SFSWAP: variants seen among roughly 807,000 people sequenced by gnomAD.
SFSWAP encodes the protein splicing factor, suppressor of white-apricot homolog.
Under a neutral mutation model 100.7 loss-of-function variants are expected in SFSWAP, and 17 were observed. That is an observed-to-expected ratio of 0.17 (90% CI 0.12 to 0.25). SFSWAP has a LOEUF of 0.25. Among genes scored for constraint, SFSWAP ranks in the 10% least tolerant of loss-of-function variants. The probability of loss-of-function intolerance (pLI) is 1.00; values close to 1 mark genes in which losing one functional copy is unlikely to be tolerated. For missense variants in SFSWAP, 1,005 were observed against 1,262.6 expected (o/e 0.80, Z 3.09); for synonymous variants, 504 against 510.1 (o/e 0.99, Z 0.16).
At position 131,799,049 on chromosome 12, in the gene SFSWAP, G is replaced by A. The variant is rs1885880214; in HGVS notation, c.2730G>A (p.Gln910=). The change falls in exon 17 of 18, where the codon CAG becomes CAA. Residue 910 remains glutamine, a synonymous_variant. Coordinates refer to ENST00000261674, the MANE Select transcript of SFSWAP (RefSeq NM_004592.4). The part of the protein sequence containing the change: ...SSQERSRGVS[Q]EKEAQISSAI... Reference sequence around the variant, plus strand: ...CTCTCTGCATTAGGGGAGTCTCTCAGGAAAAAGAAGCCCAGATCTCTTCAG... The same window carrying A: ...CTCTCTGCATTAGGGGAGTCTCTCAAGAAAAAGAAGCCCAGATCTCTTCAG... The A allele has an allele frequency of 6.2e-7, 1 of 1,613,856 alleles. No individual in the cohort carries two copies. Among genetic ancestry groups the A allele is most frequent in the Non-Finnish European group, 8.5e-7 (1 of 1,179,712 alleles).
chr12:131,727,624 G>A (rs1879107077), intron 6 of SFSWAP, among the ~76,000 whole-genome samples: 1 of 152,166 alleles, frequency 6.6e-6, no homozygotes, highest in Admixed American at 6.5e-5. Flanking sequence ...CAGCCTGGGA[G>A]ACAGAGTGAG....
intron 7 of SFSWAP, among the ~76,000 whole-genome samples, chr12:131,731,901 CTTTT>C (rs755819493): frequency 1.6e-4 from 9 of 55,296 alleles, no homozygotes; most frequent in African/African-American, 2.2e-4. Context: ...TACTATTTTA[CTTTT>C]TTTTTTTTTT....
intron 7 of SFSWAP, among the ~76,000 whole-genome samples, chr12:131,746,737 C>G (rs572473073): frequency 3.9e-5 from 6 of 152,150 alleles, no homozygotes; most frequent in Non-Finnish European, 5.9e-5. Flanking sequence ...CCTAGAATTG[C>G]GGGGTGGGTA....
chr12:131,731,459 C>A (rs1229931138), intron 7 of SFSWAP, among the ~76,000 whole-genome samples: 1 of 152,170 alleles, frequency 6.6e-6, no homozygotes. Flanking sequence ...GAAGTTGTTG[C>A]AGAATTTGGG....
rs1289624837 is a variant in SFSWAP, at chr12:131,711,468, G to A, written c.218+21G>A. On this transcript the variant is annotated intron_variant, in intron 1 of 17. Transcript: ENST00000261674. The surrounding 1 kb of genome is among the most constrained non-coding windows in gnomAD (Gnocchi z 4.9). ...GACAGGTCGGTTCCTCTCCCCACCC[G>A]TCGATCCTTCCCTTCCCTCACCCGC... 3 of 1,582,582 alleles carry A rather than the reference G, an allele frequency of 1.9e-6. No homozygotes were observed. The highest frequency in any genetic ancestry group is 2.2e-5 in the East Asian group (1 of 44,678).
At chr12:131,755,077 G>C (rs768465982) in intron 9 of SFSWAP, among the ~76,000 whole-genome samples, 2 of 152,052 alleles carry the variant, frequency 1.3e-5, no homozygotes, top group Non-Finnish European at 2.9e-5. Context: ...TATAATTCAT[G>C]GTTTTCAAGA....
intron 6 of SFSWAP, among the ~76,000 whole-genome samples, chr12:131,727,842 G>A (rs1425898331): frequency 6.6e-6 from 1 of 152,104 alleles, no homozygotes; most frequent in Non-Finnish European, 1.5e-5. Flanking sequence ...TGCCATTCGC[G>A]ACATAAAAAA....
intron 7 of SFSWAP, among the ~76,000 whole-genome samples, chr12:131,749,047 T>A (rs1199026390): frequency 1.5e-4 from 23 of 152,236 alleles, no homozygotes; most frequent in Non-Finnish European, 1.5e-5. Flanking sequence ...TTGCATTCAG[T>A]AGAACATCAG....
intron 8 of SFSWAP, 70 bp from the exon 9 acceptor site, chr12:131,754,298 C>A (rs1044764211): frequency 9.7e-5 from 127 of 1,307,214 alleles, no homozygotes; most frequent in Non-Finnish European, 3.2e-5. Context: ...CGGTGAGGAC[C>A]CCCGAGCAGC....
chr12:131,771,590 G>C (rs1284223090), intron 13 of SFSWAP, among the ~76,000 whole-genome samples: 2 of 151,472 alleles, frequency 1.3e-5, no homozygotes, highest in Admixed American at 6.6e-5. Flanking sequence ...TGGGAAAGCA[G>C]CATCTGCTTT....
rs545786222 is a variant in SFSWAP at position 131,733,010 on chromosome 12, A to G, written c.1081+4582A>G. On this transcript the variant is annotated intron_variant, in intron 7 of 17. Coordinates refer to ENST00000261674, the MANE Select transcript of SFSWAP (RefSeq NM_004592.4). The surrounding 1 kb of genome is among the most constrained non-coding windows in gnomAD (Gnocchi z 5.1). ...GCAGCCAGTTACTTTTCCTGAGGAC[A>G]GAGGAGTTGCATGTGAGGGAGGAGG... 6.6e-6 allele frequency among the ~76,000 whole-genome samples: 1 copy of G among 152,336 alleles called. No homozygotes were observed. The highest frequency in any genetic ancestry group is 1.5e-5 in the Non-Finnish European group (1 of 68,042).
chr12:131,764,803 A>C lies in SFSWAP; in HGVS notation c.1951+117A>C. ...TAGAATCTGAAGCCTTTGGAAATCG[A>C]CCTATTTGGGAGTTGTGTAACATGT... On this transcript the variant is annotated intron_variant, in intron 12 of 17. Transcript: ENST00000261674. 7 of 716,050 alleles carry C rather than the reference A, an allele frequency of 9.8e-6. No individual in the cohort carries two copies. In the South Asian group the frequency reaches 1.3e-4, roughly 14 times the overall value. The allele number at this position is 716,050 out of a possible 1,614,324, so 44.4% of individuals were successfully genotyped here.
Position 131,754,381 on chromosome 12 carries a change from G to T in SFSWAP, c.1336G>T (p.Val446Leu). 6.4e-7 allele frequency: 1 copy of T among 1,570,696 alleles called. No individual in the cohort carries two copies. ...TTTTTSALAPVAAIIPPPPDV... is the reference protein window; with the variant it reads ...TTTTTSALAPLAAIIPPPPDV... ...CTTCTCCTGCAGTGCACTTGCCCCC[G>T]TGGCCGCCATCATCCCCCCGCCCCC... Residue 446 changes from valine (V) to leucine (L), a missense_variant, in exon 9 of 18, where the codon GTG (valine) becomes TTG (leucine). By Grantham distance (32) the Val-to-Leu change is conservative (BLOSUM62 1). Around this residue, in one of 7 missense-constraint regions of SFSWAP, gnomAD observed 311 missense variants for 317.8 expected, o/e 0.98. Coordinates refer to ENST00000261674, the MANE Select transcript of SFSWAP (RefSeq NM_004592.4).
intron 15 of SFSWAP, 52 bp from the exon 16 acceptor site, chr12:131,797,126 G>C: frequency 6.5e-7 from 1 of 1,537,892 alleles, no homozygotes; most frequent in Non-Finnish European, 8.8e-7. Context: ...CTCCCTTTGT[G>C]CCCTGCCTTT....
intron 13 of SFSWAP, among the ~76,000 whole-genome samples, chr12:131,768,135 T>C (rs1883273803): frequency 6.6e-6 from 1 of 152,260 alleles, no homozygotes; most frequent in African/African-American, 2.4e-5. Context: ...CCCTGAATAC[T>C]GCAGCTGCAT....
At chr12:131,720,434 G>A (rs1456905163) in intron 4 of SFSWAP, among the ~76,000 whole-genome samples, 1 of 152,196 alleles carries the variant, frequency 6.6e-6, no homozygotes, top group Non-Finnish European at 1.5e-5. Context: ...TGTTTACTGG[G>A]AAGGTTGAAA....
chr12:131,715,508 A>C (rs1412951530), intron 3 of SFSWAP, among the ~76,000 whole-genome samples: 1 of 152,250 alleles, frequency 6.6e-6, no homozygotes, highest in Non-Finnish European at 1.5e-5. Context: ...CTGGATTAAC[A>C]TGGGAAACTT....
chr12:131,787,146 G>A (rs1018902730), intron 15 of SFSWAP, among the ~76,000 whole-genome samples: 4 of 152,176 alleles, frequency 2.6e-5, no homozygotes, highest in African/African-American at 9.6e-5. Context: ...AGGGAGGTTA[G>A]CATTCATGTT....
At chr12:131,777,418 T>A (rs1482898970) in intron 13 of SFSWAP, among the ~76,000 whole-genome samples, 1 of 152,198 alleles carries the variant, frequency 6.6e-6, no homozygotes, top group Non-Finnish European at 1.5e-5. Context: ...TTGGTGATAG[T>A]TTGCTGAGAA....
Sources: allele counts gnomAD v4.1 joint callset (sites outside exome capture counted in the v4.1 genomes callset), GRCh38; gene constraint gnomAD v4.1.1; regional missense constraint gnomAD v4.1.1; non-coding constraint Gnocchi (gnomAD v3.1); transcripts MANE v1.5; gene names NCBI Gene and HGNC (gene_info 2026-07-23, HGNC 2026-07-21).